Variants in ARHGEF28 observed in about 807,000 individuals in gnomAD.
ARHGEF28 encodes the protein 190 kDa guanine nucleotide exchange factor.
In ARHGEF28, 152 loss-of-function variants were observed where a neutral mutation model predicts 206.6. The observed-to-expected ratio is 0.74, with a 90% CI of 0.64 to 0.84. ARHGEF28 has a LOEUF of 0.84. ARHGEF28 is among the 40% of genes least tolerant of loss of function. The probability of loss-of-function intolerance (pLI) is 0.00; values close to 1 mark genes in which losing one functional copy is unlikely to be tolerated. For synonymous variants in ARHGEF28, 763 were observed against 776.4 expected, an observed-to-expected ratio of 0.98 and a Z score of 0.29; for missense variants, 2,028 against 2,073.2, an observed-to-expected ratio of 0.98 and a Z score of 0.42.
At chr5:73,701,102 G>A (rs1748569602) in intron 2 of ARHGEF28, among the ~76,000 whole-genome samples, 1 of 152,114 alleles carries the variant, frequency 6.6e-6, no homozygotes, top group African/African-American at 2.4e-5. Context: ...ATAAAATCCT[G>A]TTTTAGCAGT....
intron 35 of ARHGEF28, among the ~76,000 whole-genome samples, chr5:73,927,234 A>T (rs1395793675): frequency 6.6e-6 from 1 of 152,104 alleles, no homozygotes; most frequent in Non-Finnish European, 1.5e-5. Context: ...AAACTTAGCC[A>T]GGCATGGCGG....
At position 73,941,322 on chromosome 5, in the gene ARHGEF28, A is replaced by G. The variant is rs1023295013; in HGVS notation, c.*309A>G. On this transcript the variant is annotated 3_prime_UTR_variant, in exon 36 of 36. Coordinates refer to ENST00000513042, the MANE Select transcript of ARHGEF28 (RefSeq NM_001177693.2). ...AATTCCATGTCACATTTTCTACCCA[A>G]TCATCTGGATTTCAAGATTCCTTTT... The G allele has an allele frequency of 1.2e-5, 2 of 164,328 alleles. No homozygotes were observed. The highest frequency in any genetic ancestry group is 4.8e-5 in the African/African-American group (2 of 41,768). 10.2% of individuals were successfully genotyped at this position (164,328 alleles called of 1,614,324 possible). A position where few individuals can be genotyped will look rare whatever the true frequency, so the allele number is the denominator to read the frequency against.
intron 18 of ARHGEF28, 97 bp downstream of exon 18, chr5:73,866,110 C>T: frequency 9.4e-7 from 1 of 1,063,616 alleles, no homozygotes; most frequent in Admixed American, 2.8e-5. Flanking sequence ...TCTCATTTAT[C>T]CAGTTATTTC....
intron 2 of ARHGEF28, among the ~76,000 whole-genome samples, chr5:73,688,293 CTCAAAAAAGGG>C (rs140147801): frequency 0.01 from 1,569 of 152,250 alleles, 21 homozygotes; most frequent in African/African-American, 0.035. Context: ...CTACCCACCT[CTCAAAAAAGGG>C]CACCTCATTC....
chr5:73,776,819 A>C (rs1031228244), intron 6 of ARHGEF28, 123 bp downstream of exon 6: 20 of 784,002 alleles, frequency 2.6e-5, no homozygotes, highest in African/African-American at 2.4e-4. Context: ...CTTGGGGGAC[A>C]TGAAATTGGA....
rs1158255704 is a variant in ARHGEF28 at position 73,886,067 on chromosome 5, C to T, written c.3273C>T (p.Gly1091=). The T allele has an allele frequency of 4.3e-6, 7 of 1,613,210 alleles. No homozygotes were observed. The highest frequency in any genetic ancestry group is 1.1e-5 in the South Asian group (1 of 90,828). Residue 1091 remains glycine, a synonymous_variant, in exon 25 of 36, where the codon GGC becomes GGT. Transcript: ENST00000513042. The part of the protein sequence containing the change: ...MSEERTLLYD[G]LVYWKTATGR... ...AAGAAAGGACTCTGTTATATGATGG[C>T]CTTGTTTACTGGAAAACTGCTACAG...
At chr5:73,872,562 C>A (rs956128350) in intron 21 of ARHGEF28, among the ~76,000 whole-genome samples, 1 of 152,156 alleles carries the variant, frequency 6.6e-6, no homozygotes, top group Non-Finnish European at 1.5e-5. Flanking sequence ...CATTGAAGAA[C>A]TTTCTTTAGT....
chr5:73,697,572 C>T (rs756032546), intron 2 of ARHGEF28, among the ~76,000 whole-genome samples: 13 of 152,060 alleles, frequency 8.5e-5, no homozygotes, highest in Non-Finnish European at 1.6e-4. Context: ...TAGCTCAGGT[C>T]TCTCTCCCTC....
At chr5:73,731,272 C>A (rs932322004) in intron 2 of ARHGEF28, among the ~76,000 whole-genome samples, 1 of 152,056 alleles carries the variant, frequency 6.6e-6, no homozygotes, top group East Asian at 1.9e-4. Flanking sequence ...AAACAAAATG[C>A]GGATCTGTGT....
At chr5:73,748,584 G>A (rs950839886) in intron 2 of ARHGEF28, among the ~76,000 whole-genome samples, 11 of 152,202 alleles carry the variant, frequency 7.2e-5, no homozygotes, top group Non-Finnish European at 1.3e-4. Context: ...GCAAATTGAT[G>A]TTAAGGAGTC....
At position 73,734,373 on chromosome 5, in the gene ARHGEF28, G is replaced by A. The variant is rs1024937445; in HGVS notation, c.34-15464G>A. Among the ~76,000 whole-genome samples the A allele has an allele frequency of 3.9e-5, 6 of 152,252 alleles. No homozygotes were observed. In the East Asian group the frequency reaches 1.2e-3, roughly 29 times the overall value. On this transcript the variant is annotated intron_variant, in intron 2 of 35. Transcript: ENST00000513042. ...GGTTGGGATGAGCAGAAGGGCCAGG[G>A]CAGCATGCTCACTGGTAATGAAAGG...
At chr5:73,740,799 G>T (rs1221233193) in intron 2 of ARHGEF28, among the ~76,000 whole-genome samples, 1 of 152,172 alleles carries the variant, frequency 6.6e-6, no homozygotes, top group Non-Finnish European at 1.5e-5. Flanking sequence ...CAGGTATAAA[G>T]CAGAGCTGGA....
rs190224175 is a variant in ARHGEF28, at chr5:73,636,032, C to T, written c.-12+9710C>T. On this transcript the variant is annotated intron_variant, in intron 1 of 35. Transcript: ENST00000513042. Reference sequence around the variant, plus strand: ...ACCAGAAATATTGATATCTTGCTCACTGACAATAAAACAGTATCAAGGACT... The same window carrying T: ...ACCAGAAATATTGATATCTTGCTCATTGACAATAAAACAGTATCAAGGACT... Among the ~76,000 whole-genome samples, 27 of 152,232 alleles carry T rather than the reference C, an allele frequency of 1.8e-4. No homozygotes were observed. In the East Asian group the frequency reaches 5.2e-3, roughly 29 times the overall value.
intron 1 of ARHGEF28, among the ~76,000 whole-genome samples, chr5:73,647,731 G>A (rs756109237): frequency 3.9e-5 from 6 of 152,208 alleles, no homozygotes; most frequent in Non-Finnish European, 8.8e-5. Flanking sequence ...AAAGTTGAGG[G>A]AGCCTGCCAT....
chr5:73,783,954 A>G (rs1369980803), intron 7 of ARHGEF28, among the ~76,000 whole-genome samples: 1 of 152,132 alleles, frequency 6.6e-6, no homozygotes, highest in Non-Finnish European at 1.5e-5. Flanking sequence ...GAATCTAGAC[A>G]ATGCTTTTGT....
At chr5:73,897,153 A>C (rs1762004789) in intron 29 of ARHGEF28, among the ~76,000 whole-genome samples, 1 of 152,168 alleles carries the variant, frequency 6.6e-6, no homozygotes, top group African/African-American at 2.4e-5. Flanking sequence ...GGTCCTGCTC[A>C]GTTTTCACCT....
chr5:73,681,068 C>T (rs534243580), intron 1 of ARHGEF28, among the ~76,000 whole-genome samples: 172 of 143,138 alleles, frequency 1.2e-3, no homozygotes, highest in Admixed American at 2.1e-3. Context: ...TTTTAGCTTC[C>T]ACATTTCCTA....
chr5:73,933,408 T>C (rs991070700), intron 35 of ARHGEF28, among the ~76,000 whole-genome samples: 1 of 152,226 alleles, frequency 6.6e-6, no homozygotes, highest in African/African-American at 2.4e-5. Context: ...TCTTTCTAAA[T>C]AGATATAAAT....
intron 7 of ARHGEF28, among the ~76,000 whole-genome samples, chr5:73,793,943 T>C (rs1380560169): frequency 1.3e-5 from 2 of 152,138 alleles, no homozygotes; most frequent in Non-Finnish European, 2.9e-5. Context: ...TTCAGTGATG[T>C]GTAAGGAAAA....
Sources: gnomAD v4.1 joint callset for allele counts (sites outside exome capture counted in the v4.1 genomes callset) on GRCh38, gnomAD v4.1.1 for gene constraint, MANE v1.5 for transcripts, NCBI Gene and HGNC (gene_info 2026-07-23, HGNC 2026-07-21) for gene names.